Variants in IL1RAPL2 observed in about 807,000 individuals in gnomAD.
IL1RAPL2 encodes the protein X-linked interleukin-1 receptor accessory protein-like 2.
Under a neutral mutation model 44.1 loss-of-function variants are expected in IL1RAPL2, and 3 were observed. The observed-to-expected ratio is 0.07, with a 90% CI of 0.03 to 0.18. The LOEUF is 0.18. Among genes scored for constraint, IL1RAPL2 ranks in the 10% least tolerant of loss-of-function variants. IL1RAPL2 has a pLI of 1.00. For synonymous variants in IL1RAPL2, 181 were observed against 178.8 expected (o/e 1.01, Z -0.10); for missense variants, 391 against 496.4 (o/e 0.79, Z 2.02).
chrX:105,398,753 T>A (rs1462887319), intron 5 of IL1RAPL2, among the ~76,000 whole-genome samples: 1 of 111,829 alleles, frequency 8.9e-6, no homozygotes, highest in Non-Finnish European at 1.9e-5. Context: ...AAAATGCTAT[T>A]TCCTTTTCAG....
At chrX:105,335,977 C>A (rs769591496) in intron 5 of IL1RAPL2, among the ~76,000 whole-genome samples, 10 of 111,884 alleles carry the variant, frequency 8.9e-5, no homozygotes, top group African/African-American at 3.2e-4. Flanking sequence ...AAATTCATAC[C>A]CAAATGAGTA....
chrX:104,650,211 A>T (rs1438836745), intron 1 of IL1RAPL2, among the ~76,000 whole-genome samples: 3 of 110,921 alleles, frequency 2.7e-5, no homozygotes, highest in Non-Finnish European at 3.8e-5. Context: ...AGGGGGGAAG[A>T]CTCTTTTTAG....
At chrX:104,608,813 T>A (rs749251442) in intron 1 of IL1RAPL2, among the ~76,000 whole-genome samples, 8 of 110,649 alleles carry the variant, frequency 7.2e-5, no homozygotes, top group Non-Finnish European at 1.5e-4. Flanking sequence ...AATTTGCCAG[T>A]CTGTGTCTTT....
chrX:104,878,368 A>G (rs1922967264), intron 2 of IL1RAPL2, among the ~76,000 whole-genome samples: 2 of 112,031 alleles, frequency 1.8e-5, no homozygotes, highest in Admixed American at 1.9e-4. Flanking sequence ...TCTGTGCTTT[A>G]TATATTACTG....
intron 2 of IL1RAPL2, among the ~76,000 whole-genome samples, chrX:105,124,974 T>C (rs896705254): frequency 4.5e-5 from 5 of 110,583 alleles, no homozygotes; most frequent in Non-Finnish European, 9.5e-5. Flanking sequence ...TCTTTTCCTT[T>C]CAATTTTATT....
At chrX:105,037,701 CT>C (rs2031654171) in intron 2 of IL1RAPL2, among the ~76,000 whole-genome samples, 1 of 111,696 alleles carries the variant, frequency 9.0e-6, no homozygotes, top group Non-Finnish European at 1.9e-5. Flanking sequence ...CTCCATTTTT[CT>C]TTTTATTGAA....
intron 2 of IL1RAPL2, among the ~76,000 whole-genome samples, chrX:104,955,529 T>G (rs1468736502): frequency 9.3e-6 from 1 of 107,347 alleles, no homozygotes; most frequent in Non-Finnish European, 1.9e-5. Context: ...TACTCCCATA[T>G]ATATATTATA....
At chrX:104,903,805 C>T (rs1923888718) in intron 2 of IL1RAPL2, among the ~76,000 whole-genome samples, 1 of 111,051 alleles carries the variant, frequency 9.0e-6, no homozygotes, top group African/African-American at 3.3e-5. Context: ...TCATGAACTC[C>T]TGACCTCAGG....
intron 2 of IL1RAPL2, among the ~76,000 whole-genome samples, chrX:104,907,206 A>C (rs1924042481): frequency 9.0e-6 from 1 of 111,023 alleles, no homozygotes; most frequent in South Asian, 3.8e-4. Flanking sequence ...TTTCTTTATT[A>C]GTCTTGCTAA....
chrX:104,776,138 G>A (rs1052812514), intron 2 of IL1RAPL2, among the ~76,000 whole-genome samples: 1 of 111,908 alleles, frequency 8.9e-6, no homozygotes. Flanking sequence ...GACACATTTT[G>A]TGAGCAATTA....
At chrX:105,249,111 T>C (rs1221260201) in intron 4 of IL1RAPL2, among the ~76,000 whole-genome samples, 3 of 111,171 alleles carry the variant, frequency 2.7e-5, no homozygotes, top group Non-Finnish European at 5.7e-5. Flanking sequence ...CATCAACAGA[T>C]GAATGGATAA....
intron 1 of IL1RAPL2, among the ~76,000 whole-genome samples, chrX:104,585,170 T>A: frequency 1.4e-5 from 1 of 69,197 alleles, no homozygotes; most frequent in Non-Finnish European, 2.4e-5. Context: ...CACACATATG[T>A]ATATATACAC....
chrX:105,350,998 A>T (rs1161840101), intron 5 of IL1RAPL2, among the ~76,000 whole-genome samples: 2 of 112,156 alleles, frequency 1.8e-5, no homozygotes, highest in African/African-American at 6.5e-5. Flanking sequence ...GAAGACATTT[A>T]TGCAGCCAAC....
At chrX:104,781,547 A>G (rs1372839048) in intron 2 of IL1RAPL2, among the ~76,000 whole-genome samples, 1 of 112,030 alleles carries the variant, frequency 8.9e-6, no homozygotes. Context: ...GATGCCTTCC[A>G]TCTTATGACT....
intron 5 of IL1RAPL2, among the ~76,000 whole-genome samples, chrX:105,339,068 A>T (rs767896807): frequency 2.7e-5 from 3 of 112,029 alleles, no homozygotes; most frequent in Non-Finnish European, 5.6e-5. Context: ...GCACCACTGC[A>T]CATCAGCCTG....
chrX:104,895,773 G>A (rs996884206), intron 2 of IL1RAPL2, among the ~76,000 whole-genome samples: 4 of 111,649 alleles, frequency 3.6e-5, no homozygotes, highest in African/African-American at 1.3e-4. Flanking sequence ...CTCACACTCA[G>A]GTGACTGCAC....
intron 2 of IL1RAPL2, among the ~76,000 whole-genome samples, chrX:104,809,974 T>C (rs969448798): frequency 9.9e-5 from 11 of 111,215 alleles, no homozygotes; most frequent in Admixed American, 4.8e-4. Context: ...CATATGTTTA[T>C]TGCAGCACTA....
At chrX:105,308,474 C>G in intron 5 of IL1RAPL2, among the ~76,000 whole-genome samples, 1 of 112,493 alleles carries the variant, frequency 8.9e-6, no homozygotes, top group Non-Finnish European at 1.9e-5. Flanking sequence ...ACATTTCAAT[C>G]ACTCCAGAAA....
At chrX:104,883,318 G>A (rs1923125794) in intron 2 of IL1RAPL2, among the ~76,000 whole-genome samples, 2 of 111,511 alleles carry the variant, frequency 1.8e-5, no homozygotes, top group Middle Eastern at 4.7e-3. Flanking sequence ...CGGGTGTCAG[G>A]CTTTCTGGGA....
Sources: gnomAD v4.1 joint callset for allele counts (sites outside exome capture counted in the v4.1 genomes callset) on GRCh38, gnomAD v4.1.1 for gene constraint, MANE v1.5 for transcripts, NCBI Gene and HGNC (gene_info 2026-07-23, HGNC 2026-07-21) for gene names.